LONRF1: variants seen among roughly 807,000 people sequenced by gnomAD.
LONRF1 encodes LON peptidase N-terminal domain and ring finger 1, also known as LON peptidase N-terminal domain and RING finger protein 1.
A neutral mutation model predicts 85.8 loss-of-function variants in LONRF1; 37 were observed. The ratio of observed to expected loss-of-function variants is 0.43; its 90% CI spans 0.33 to 0.57. The LOEUF (loss-of-function observed/expected upper bound fraction) is 0.57. Among genes scored for constraint, LONRF1 ranks in the 20% least tolerant of loss-of-function variants. LONRF1 has a pLI of 0.04. For synonymous variants in LONRF1, 517 were observed against 390.1 expected, an observed-to-expected ratio of 1.33 and a Z score of -3.83; for missense variants, 1,036 against 978.0, an observed-to-expected ratio of 1.06 and a Z score of -0.79.
At position 12,741,058 on chromosome 8, in the gene LONRF1, T is replaced by C. The variant is rs1011363683; in HGVS notation, c.841-62A>G. On this transcript the variant is annotated intron_variant, in intron 2 of 11. Transcript: ENST00000398246. ...AGAATTGCTTTTTAAAAAATCATTA[T>C]CAAGTAAAGAAAAACAATAGTCTGC... The C allele has an allele frequency of 5.1e-6, 8 of 1,581,706 alleles. No homozygotes were observed. In the Admixed American group the frequency reaches 5.2e-5, roughly 10 times the overall value.
At chr8:12,734,501 G>A (rs1257267345) in intron 7 of LONRF1, among the ~76,000 whole-genome samples, 1 of 152,040 alleles carries the variant, frequency 6.6e-6, no homozygotes, top group Non-Finnish European at 1.5e-5. Flanking sequence ...CAGAATCACA[G>A]GCTTTAGCCT....
intron 11 of LONRF1, among the ~76,000 whole-genome samples, chr8:12,724,638 A>C (rs1403186760): frequency 6.6e-6 from 1 of 152,226 alleles, no homozygotes; most frequent in African/African-American, 2.4e-5. Context: ...AGGACAGGAT[A>C]ATAAAAGGCA....
intron 11 of LONRF1, among the ~76,000 whole-genome samples, chr8:12,724,769 C>G (rs557415502): frequency 6.6e-6 from 1 of 152,270 alleles, no homozygotes; most frequent in African/African-American, 2.4e-5. Context: ...TAATCAGATT[C>G]AAGTAATCAG....
At chr8:12,737,860 A>G in intron 4 of LONRF1, 135 bp downstream of exon 4, 5 of 836,588 alleles carry the variant, frequency 6.0e-6, no homozygotes, top group Non-Finnish European at 8.8e-6. Flanking sequence ...GGCTATGGAA[A>G]AAATTCTACT....
intron 10 of LONRF1, 114 bp downstream of exon 10, chr8:12,728,787 G>T (rs527607755): frequency 4.3e-6 from 5 of 1,164,374 alleles, no homozygotes; most frequent in East Asian, 4.7e-5. Flanking sequence ...CATCACAGTG[G>T]TAAGGCTGTC....
At chr8:12,754,307 T>G in intron 1 of LONRF1, 1 of 160,684 alleles carries the variant, frequency 6.2e-6, no homozygotes, top group Non-Finnish European at 1.3e-5. Flanking sequence ...CGAGAGCCAA[T>G]TCCCGGAAAG....
Position 12,755,028 on chromosome 8 carries a change from G to A in LONRF1, c.393C>T (p.Ser131=). 6.7e-7 allele frequency: 1 copy of A among 1,490,458 alleles called. No homozygotes were observed. The allele number at this position is 1,490,458 out of a possible 1,614,324, so 92.3% of individuals were successfully genotyped here. The change falls in exon 1 of 12, where the codon AGC becomes AGT. Residue 131 remains serine, a synonymous_variant. Coordinates refer to ENST00000398246, the MANE Select transcript of LONRF1 (RefSeq NM_152271.5). ...GGCCACAGGGCACGGTCACCGGCTC[G>A]CTCAGGAAGCCCCGGCAGCCCAGGC... The part of the protein sequence containing the change: ...LRCLGCRGFL[S]EPVTVPCGHS...
intron 8 of LONRF1, among the ~76,000 whole-genome samples, chr8:12,731,405 G>A (rs933197874): frequency 2.0e-5 from 3 of 152,000 alleles, no homozygotes; most frequent in African/African-American, 4.8e-5. Context: ...GCCCTACCAC[G>A]ACACATGAGA....
intron 1 of LONRF1, among the ~76,000 whole-genome samples, chr8:12,749,600 G>A (rs959837004): frequency 2.0e-5 from 3 of 152,096 alleles, no homozygotes; most frequent in East Asian, 3.8e-4. Flanking sequence ...AGATAATTCA[G>A]TTTTGGTAAA....
At position 12,737,149 on chromosome 8, in the gene LONRF1, A is replaced by G. The variant is rs1179019619; in HGVS notation, c.1114-9T>C. On this transcript the variant is annotated splice_polypyrimidine_tract_variant and intron_variant, in intron 4 of 11. Coordinates refer to ENST00000398246, the MANE Select transcript of LONRF1 (RefSeq NM_152271.5). ...TCTGGTATTTCTTCACTCTACAAAA[A>G]TACAATAAACAAAGGTAACTGTATT... 1.2e-6 allele frequency: 2 copies of G among 1,608,558 alleles called. No individual in the cohort carries two copies. The highest frequency in any genetic ancestry group is 1.7e-5 in the Admixed American group (1 of 58,988).
At chr8:12,727,491 G>C (rs1465724982) in intron 10 of LONRF1, among the ~76,000 whole-genome samples, 2 of 151,504 alleles carry the variant, frequency 1.3e-5, no homozygotes, top group African/African-American at 4.8e-5. Context: ...GATGAGAAAA[G>C]ATTACTAGAC....
chr8:12,742,198 T>C (rs999664394), intron 2 of LONRF1, among the ~76,000 whole-genome samples: 1 of 152,252 alleles, frequency 6.6e-6, no homozygotes, highest in African/African-American at 2.4e-5. Flanking sequence ...TAACCAGTCA[T>C]GCCATCATGA....
At chr8:12,747,970 T>C (rs1232505060) in intron 1 of LONRF1, among the ~76,000 whole-genome samples, 3 of 152,156 alleles carry the variant, frequency 2.0e-5, no homozygotes, top group Non-Finnish European at 2.9e-5. Context: ...AAATATACTA[T>C]ATATGCTGTT....
At chr8:12,730,469 A>G (rs2117244571) in intron 8 of LONRF1, among the ~76,000 whole-genome samples, 1 of 152,280 alleles carries the variant, frequency 6.6e-6, no homozygotes, top group East Asian at 1.9e-4. Context: ...AAACATGTTT[A>G]AAATATGTGT....
chr8:12,737,301 T>C lies in LONRF1; in HGVS notation c.1114-161A>G, dbSNP rs1563145238. 8 of 929,814 alleles carry C rather than the reference T, an allele frequency of 8.6e-6. No individual in the cohort carries two copies. In the East Asian group the frequency reaches 1.8e-4, roughly 21 times the overall value. 57.6% of individuals were successfully genotyped at this position (929,814 alleles called of 1,614,324 possible). On this transcript the variant is annotated intron_variant, in intron 4 of 11. Transcript: ENST00000398246. The stretch of plus-strand genomic sequence containing the variant: ...TTCCAACACTGTGACAAGTAAATGA[T>C]TTTTGCCAGCACAGTTGGCCCTCCG...
At chr8:12,738,216 C>T in intron 3 of LONRF1, 72 bp from the exon 4 acceptor site, 1 of 1,030,932 alleles carries the variant, frequency 9.7e-7, no homozygotes, top group East Asian at 2.9e-5. Flanking sequence ...ATAAATTTAC[C>T]TAATAAAGAA....
chr8:12,736,658 C>G, intron 6 of LONRF1, 43 bp downstream of exon 6: 16 of 1,276,712 alleles, frequency 1.3e-5, no homozygotes, highest in Non-Finnish European at 1.6e-5. Context: ...TTTATGTATA[C>G]TAACATAAAA....
chr8:12,732,406 T>C (rs1434011750), intron 7 of LONRF1, among the ~76,000 whole-genome samples: 2 of 152,174 alleles, frequency 1.3e-5, no homozygotes, highest in Non-Finnish European at 1.5e-5. Flanking sequence ...CCAAGGAAGG[T>C]GCGTTTCTTG....
chr8:12,742,739 A>T (rs1798986404), intron 2 of LONRF1, among the ~76,000 whole-genome samples: 2 of 56,358 alleles, frequency 3.5e-5, no homozygotes, highest in African/African-American at 8.8e-5. Context: ...CAAAATATTG[A>T]ACCTAGATTT....
Sources: allele counts gnomAD v4.1 joint callset (sites outside exome capture counted in the v4.1 genomes callset), GRCh38; gene constraint gnomAD v4.1.1; transcripts MANE v1.5; gene names NCBI Gene and HGNC (gene_info 2026-07-23, HGNC 2026-07-21).